DPP9: variants seen among roughly 807,000 people sequenced by gnomAD.
DPP9 encodes dipeptidyl peptidase IV-related protein-2.
Under a neutral mutation model 110.7 loss-of-function variants are expected in DPP9, and 50 were observed. The observed-to-expected ratio is 0.45, with a 90% CI of 0.36 to 0.57. The LOEUF is 0.57. Among genes scored for constraint, DPP9 ranks in the 20% least tolerant of loss-of-function variants. DPP9 has a pLI of 0.00. For missense variants in DPP9, 1,022 were observed against 1,217.9 expected, an observed-to-expected ratio of 0.84 and a Z score of 2.39; for synonymous variants, 561 against 514.4, an observed-to-expected ratio of 1.09 and a Z score of -1.23.
chr19:4,714,944 A>G (rs2093006086), intron 3 of DPP9, among the ~76,000 whole-genome samples: 1 of 149,902 alleles, frequency 6.7e-6, no homozygotes, highest in African/African-American at 2.5e-5. Flanking sequence ...GCCTTTGCAC[A>G]TGCTGGCCCT....
rs764596771 is a variant in DPP9 at position 4,690,887 on chromosome 19, G to A, written c.1587C>T (p.His529=). The change falls in exon 14 of 22, where the codon CAC becomes CAT. Residue 529 remains histidine, a synonymous_variant. Coordinates refer to ENST00000262960, the MANE Select transcript of DPP9 (RefSeq NM_139159.5). ...TSGEWEVLAR[H]GSKIWVNEET... is the part of the protein sequence containing the mutation. Reference sequence around the variant, plus strand: ...AAGGAGACCCTGGTACCTTGGAGCCGTGCCTCGCCAAAACCTCCCATTCAC... The same window carrying A: ...AAGGAGACCCTGGTACCTTGGAGCCATGCCTCGCCAAAACCTCCCATTCAC... 2.6e-5 allele frequency: 42 copies of A among 1,612,388 alleles called. No individual in the cohort carries two copies. The highest frequency in any genetic ancestry group is 3.3e-5 in the Non-Finnish European group (39 of 1,179,304).
In DPP9 at chr19:4,695,347, C is replaced by T. The variant is rs34206268; in HGVS notation, c.1353+31G>A. 1.0e-4 allele frequency: 156 copies of T among 1,529,304 alleles called. 1 individual carries two copies. The highest frequency in any genetic ancestry group is 2.5e-4 in the Admixed American group (12 of 48,470). 94.7% of individuals were successfully genotyped at this position (1,529,304 alleles called of 1,614,324 possible). Reference sequence around the variant, plus strand: ...GGACAGTGTGACTCCAGGGCCCAGGCGGGCATACAGCCAGCGCTTGCCCCG... The same window carrying T: ...GGACAGTGTGACTCCAGGGCCCAGGTGGGCATACAGCCAGCGCTTGCCCCG... On this transcript the variant is annotated intron_variant, in intron 12 of 21. Transcript: ENST00000262960. The surrounding 1 kb of genome is among the most constrained non-coding windows in gnomAD (Gnocchi z 4.7).
intron 10 of DPP9, among the ~76,000 whole-genome samples, chr19:4,699,951 C>T (rs550154878): frequency 1.3e-5 from 2 of 152,248 alleles, no homozygotes; most frequent in South Asian, 4.1e-4. Flanking sequence ...GGCCCCTGCC[C>T]GGTGCTTGTT....
intron 21 of DPP9, among the ~76,000 whole-genome samples, chr19:4,677,599 C>A (rs944616074): frequency 6.6e-6 from 1 of 152,208 alleles, no homozygotes; most frequent in African/African-American, 2.4e-5. Flanking sequence ...CCGTCCCCAG[C>A]CTAGACCTCT....
At chr19:4,707,390 A>G (rs1202041989) in intron 4 of DPP9, among the ~76,000 whole-genome samples, 1 of 152,124 alleles carries the variant, frequency 6.6e-6, no homozygotes, top group African/African-American at 2.4e-5. Context: ...ACCCCTGGGA[A>G]GCCTCGGTTT....
At chr19:4,683,101 C>T (rs1030729191) in intron 19 of DPP9, 10 of 1,397,830 alleles carry the variant, frequency 7.2e-6, no homozygotes, top group East Asian at 3.3e-5. Flanking sequence ...GCCCGTCTGC[C>T]TCCTCCTCCT....
chr19:4,712,867 C>G (rs776834187), intron 4 of DPP9, among the ~76,000 whole-genome samples: 3 of 152,212 alleles, frequency 2.0e-5, no homozygotes, highest in Non-Finnish European at 4.4e-5. Flanking sequence ...CTGTTGTTAG[C>G]ATGTGGTCAG....
In DPP9 at chr19:4,676,745, G is replaced by T; in HGVS notation, c.2587-89C>A. ...TCCCTTATTCTGGCTCAGGGCATCC[G>T]GGAAGGCGCAGGTGCTCTGAGGCCC... On this transcript the variant is annotated intron_variant, in intron 21 of 21. Coordinates refer to ENST00000262960, the MANE Select transcript of DPP9 (RefSeq NM_139159.5). This position sits in a 1 kb window ranked among gnomAD's most constrained non-coding sequence, Gnocchi z 4.0. 8.9e-7 allele frequency: 1 copy of T among 1,123,722 alleles called. No individual in the cohort carries two copies. Among genetic ancestry groups the T allele is most frequent in the Non-Finnish European group, 1.3e-6 (1 of 766,504 alleles). The allele number at this position is 1,123,722 out of a possible 1,614,324, so 69.6% of individuals were successfully genotyped here.
At chr19:4,680,084 A>G in intron 20 of DPP9, 138 bp from the exon 21 acceptor site, 1 of 607,394 alleles carries the variant, frequency 1.6e-6, no homozygotes, top group Non-Finnish European at 2.9e-6. Flanking sequence ...ATATTTAAAA[A>G]AAATTAGCCA....
At chr19:4,688,073 G>C (rs2090956793) in intron 16 of DPP9, among the ~76,000 whole-genome samples, 1 of 152,180 alleles carries the variant, frequency 6.6e-6, no homozygotes, top group South Asian at 2.1e-4. Flanking sequence ...TGGGATTACA[G>C]GCATGAGCCA....
In DPP9 at chr19:4,718,499, G is replaced by A. The variant is rs1305425216; in HGVS notation, c.56+1352C>T. On this transcript the variant is annotated intron_variant, in intron 3 of 21. Transcript: ENST00000262960. This position sits in a 1 kb window ranked among gnomAD's most constrained non-coding sequence, Gnocchi z 4.3. ...GCCTCAAGGTGGACTTTGGGCAGCC[G>A]GCCCAGGCCAGGCAAGTGCCCCTGC... 2.6e-5 allele frequency among the ~76,000 whole-genome samples: 4 copies of A among 152,200 alleles called. No individual in the cohort carries two copies. The highest frequency in any genetic ancestry group is 6.5e-5 in the Admixed American group (1 of 15,288).
At chr19:4,719,008 T>C (rs2093200220) in intron 3 of DPP9, among the ~76,000 whole-genome samples, 1 of 151,956 alleles carries the variant, frequency 6.6e-6, no homozygotes, top group South Asian at 2.1e-4. Context: ...CACCTGATTT[T>C]AGGGCACTTC....
Position 4,679,961 on chromosome 19 carries a change from G to C in DPP9, c.2475-15C>G. 1.3e-6 allele frequency: 2 copies of C among 1,597,464 alleles called. No homozygotes were observed. The highest frequency in any genetic ancestry group is 2.2e-5 in the South Asian group (2 of 89,514). On this transcript the variant is annotated splice_polypyrimidine_tract_variant and intron_variant, in intron 20 of 21. Coordinates refer to ENST00000262960, the MANE Select transcript of DPP9 (RefSeq NM_139159.5). ...AGCGGTTGGGCCTGGAAAACAGATG[G>C]GGAAGGGTCTGAGGCCAGGGATTGT...
At position 4,696,686 on chromosome 19, in the gene DPP9, T is replaced by C. The variant is rs530894049; in HGVS notation, c.1175+865A>G. ...ATTGCTTGAACCTGGGAGTCAGAGG[T>C]TGCAGTGAGCCAAGATCATACCACT... is the stretch of plus-strand genomic sequence containing the variant. On this transcript the variant is annotated intron_variant, in intron 11 of 21. Transcript: ENST00000262960. Among the ~76,000 whole-genome samples, 10 of 151,664 alleles carry C rather than the reference T, an allele frequency of 6.6e-5. No homozygotes were observed. In the South Asian group the frequency reaches 1.9e-3, roughly 29 times the overall value.
intron 3 of DPP9, among the ~76,000 whole-genome samples, chr19:4,714,830 G>A (rs1334541102): frequency 1.3e-5 from 2 of 151,792 alleles, no homozygotes; most frequent in African/African-American, 2.4e-5. Context: ...GGCTGCTGTC[G>A]ACCCCTGCCA....
At chr19:4,702,812 G>A (rs1357348505) in intron 7 of DPP9, 96 bp from the exon 8 acceptor site, 5 of 307,802 alleles carry the variant, frequency 1.6e-5, no homozygotes, top group Admixed American at 4.4e-5. Context: ...GAGAGGGAGA[G>A]AGAAGGAGGG....
chr19:4,723,174 A>T (rs182449891), intron 1 of DPP9, among the ~76,000 whole-genome samples: 2 of 152,350 alleles, frequency 1.3e-5, no homozygotes, highest in Admixed American at 1.3e-4. Flanking sequence ...GGGGAGACCA[A>T]GCCTCGGGGC....
rs963163273 is a variant in DPP9, at chr19:4,687,984, G to A, written c.1885+773C>T. Among the ~76,000 whole-genome samples, 4 of 152,140 alleles carry A rather than the reference G, an allele frequency of 2.6e-5. No individual in the cohort carries two copies. Among genetic ancestry groups the A allele is most frequent in the African/African-American group, 9.7e-5 (4 of 41,426 alleles). On this transcript the variant is annotated intron_variant, in intron 16 of 21. Coordinates refer to ENST00000262960, the MANE Select transcript of DPP9 (RefSeq NM_139159.5). This position sits in a 1 kb window ranked among gnomAD's most constrained non-coding sequence, Gnocchi z 4.7. ...GCTAATTTTTTGTATTTTTAGTAGA[G>A]ATGGTGTTTCACCGTGTTAGCCAGG... is the stretch of plus-strand genomic sequence containing the variant.
chr19:4,684,106 C>T lies in DPP9; in HGVS notation c.2179-477G>A, dbSNP rs11671570. ...TGAGATCACTACTGCGGCCTTCAAG[C>T]GACTGATCCATGGGGCCCACTCATG... On this transcript the variant is annotated intron_variant, in intron 18 of 21. Transcript: ENST00000262960. The surrounding 1 kb of genome is among the most constrained non-coding windows in gnomAD (Gnocchi z 4.8). 0.15 allele frequency: 47,326 copies of T among 315,068 alleles called. 4,375 individuals carry two copies. Among genetic ancestry groups the T allele is most frequent in the Middle Eastern group, 0.25 (207 of 828 alleles). 19.5% of individuals were successfully genotyped at this position (315,068 alleles called of 1,614,324 possible). A position where few individuals can be genotyped will look rare whatever the true frequency, so the allele number is the denominator to read the frequency against.
Sources: allele counts gnomAD v4.1 joint callset (sites outside exome capture counted in the v4.1 genomes callset), GRCh38; gene constraint gnomAD v4.1.1; non-coding constraint Gnocchi (gnomAD v3.1); transcripts MANE v1.5; gene names NCBI Gene and HGNC (gene_info 2026-07-23, HGNC 2026-07-21).